PCCA: variants seen among roughly 807,000 people sequenced by gnomAD.
PCCA encodes propionyl-CoA carboxylase alpha chain, mitochondrial.
PCCA carries 74 observed loss-of-function variants against 101.3 expected under a neutral mutation model. That is an observed-to-expected ratio of 0.73 (90% confidence interval 0.61 to 0.89). The LOEUF (loss-of-function observed/expected upper bound fraction) is 0.89. PCCA is among the 40% of genes least tolerant of loss of function. PCCA has a pLI of 0.00. For missense variants in PCCA, 891 were observed against 907.0 expected, an observed-to-expected ratio of 0.98 and a Z score of 0.23; for synonymous variants, 294 against 313.6, an observed-to-expected ratio of 0.94 and a Z score of 0.66.
intron 21 of PCCA, chr13:100,491,803 G>T: frequency 3.6e-6 from 4 of 1,111,714 alleles, no homozygotes; most frequent in Non-Finnish European, 4.5e-6. Flanking sequence ...TCCAATAAAT[G>T]TAAATATTTT....
At chr13:100,246,037 C>T (rs996031552) in intron 8 of PCCA, among the ~76,000 whole-genome samples, 2 of 152,104 alleles carry the variant, frequency 1.3e-5, no homozygotes, top group Non-Finnish European at 2.9e-5. Context: ...GTTCCAAGTT[C>T]GGGCAAGAGG....
At chr13:100,109,108 C>T (rs896832788) in intron 2 of PCCA, among the ~76,000 whole-genome samples, 2 of 152,132 alleles carry the variant, frequency 1.3e-5, no homozygotes, top group Non-Finnish European at 2.9e-5. Context: ...GGCATGTAGC[C>T]CAAAGGGGTG....
chr13:100,431,891 A>T (rs1285144189), intron 20 of PCCA, among the ~76,000 whole-genome samples: 1 of 150,416 alleles, frequency 6.6e-6, no homozygotes, highest in Non-Finnish European at 1.5e-5. Flanking sequence ...AATAAATAAA[A>T]TAAAATACAG....
At chr13:100,231,351 G>A (rs2060460756) in intron 7 of PCCA, among the ~76,000 whole-genome samples, 1 of 152,318 alleles carries the variant, frequency 6.6e-6, no homozygotes, top group East Asian at 1.9e-4. Context: ...TGAGAAGGCT[G>A]TGCAAGGCTG....
chr13:100,508,273 G>A (rs2086230852), intron 21 of PCCA, among the ~76,000 whole-genome samples: 1 of 152,030 alleles, frequency 6.6e-6, no homozygotes. Context: ...TTGCTGAATG[G>A]GCTTCAGATA....
intron 18 of PCCA, among the ~76,000 whole-genome samples, chr13:100,349,962 A>G (rs901342928): frequency 6.6e-6 from 1 of 152,230 alleles, no homozygotes; most frequent in African/African-American, 2.4e-5. Flanking sequence ...ATTTCTGCCT[A>G]GCAGAGACAA....
At chr13:100,184,854 G>A (rs2057112243) in intron 6 of PCCA, among the ~76,000 whole-genome samples, 1 of 143,794 alleles carries the variant, frequency 7.0e-6, no homozygotes, top group Non-Finnish European at 1.6e-5. Flanking sequence ...GCTGGATTTG[G>A]CCTGTAGGCT....
chr13:100,224,197 G>A (rs1249466761), intron 7 of PCCA, among the ~76,000 whole-genome samples: 1 of 152,240 alleles, frequency 6.6e-6, no homozygotes, highest in Non-Finnish European at 1.5e-5. Context: ...CCTGCCCGGC[G>A]GGAAGGCAGC....
chr13:100,404,263 C>T (rs756276666), intron 19 of PCCA, among the ~76,000 whole-genome samples: 2 of 152,162 alleles, frequency 1.3e-5, no homozygotes, highest in Admixed American at 6.5e-5. Flanking sequence ...GCCAAAAGCC[C>T]GACTGGTCAG....
chr13:100,446,687 A>G (rs1308077004), intron 20 of PCCA, among the ~76,000 whole-genome samples: 2 of 152,130 alleles, frequency 1.3e-5, no homozygotes, highest in Admixed American at 1.3e-4. Context: ...ATTTTATTCC[A>G]TTTTGTTTTC....
At chr13:100,308,958 A>G (rs999668649) in intron 15 of PCCA, among the ~76,000 whole-genome samples, 1 of 152,236 alleles carries the variant, frequency 6.6e-6, no homozygotes, top group African/African-American at 2.4e-5. Flanking sequence ...GTAGAATAGT[A>G]AGACTTTTCT....
At chr13:100,501,886 A>AATAAATAAATAAATAC (rs2085706956) in intron 21 of PCCA, among the ~76,000 whole-genome samples, 1 of 151,840 alleles carries the variant, frequency 6.6e-6, no homozygotes, top group Admixed American at 6.6e-5. Context: ...TAAATAAATA[A>AATAAATAAATAAATAC]ATAAATAAAT....
chr13:100,261,192 G>A (rs541363667), intron 9 of PCCA, among the ~76,000 whole-genome samples: 1 of 152,040 alleles, frequency 6.6e-6, no homozygotes, highest in African/African-American at 2.4e-5. Context: ...TTAAAGGATC[G>A]GAAGAATTGG....
intron 4 of PCCA, among the ~76,000 whole-genome samples, chr13:100,148,632 T>C (rs2052894115): frequency 1.3e-5 from 2 of 151,880 alleles, no homozygotes; most frequent in African/African-American, 4.8e-5. Flanking sequence ...GTTTTCATTA[T>C]TTTGTTGTTT....
Position 100,227,314 on chromosome 13 carries a change from A to G in PCCA, c.601-8528A>G, listed in dbSNP as rs554531273. On this transcript the variant is annotated intron_variant, in intron 7 of 23. Coordinates refer to ENST00000376285, the MANE Select transcript of PCCA (RefSeq NM_000282.4). ...CTTAACTGCAAGGCTTGGTTACCCC[A>G]CAGGCCATGTTCTAGGTATTAACAA... Among the ~76,000 whole-genome samples the G allele has an allele frequency of 9.9e-4, 150 of 152,176 alleles. 1 individual carries two copies. The highest frequency in any genetic ancestry group is 2.0e-3 in the Non-Finnish European group (133 of 68,026).
At chr13:100,124,809 G>A (rs150957794) in intron 4 of PCCA, among the ~76,000 whole-genome samples, 170 of 152,186 alleles carry the variant, frequency 1.1e-3, no homozygotes, top group African/African-American at 3.7e-3. Flanking sequence ...ACATGTCTCT[G>A]TATATACATA....
intron 16 of PCCA, among the ~76,000 whole-genome samples, chr13:100,329,523 C>A (rs1416127450): frequency 6.6e-6 from 1 of 152,134 alleles, no homozygotes; most frequent in Non-Finnish European, 1.5e-5. Flanking sequence ...AACTCAGCGT[C>A]AACCATTCTA....
chr13:100,328,755 G>A (rs2152730290), intron 16 of PCCA, among the ~76,000 whole-genome samples: 1 of 142,066 alleles, frequency 7.0e-6, no homozygotes, highest in South Asian at 2.3e-4. Flanking sequence ...GTGCAGTGGT[G>A]TGATCTTGGC....
intron 21 of PCCA, among the ~76,000 whole-genome samples, chr13:100,492,007 T>C (rs1312066194): frequency 1.3e-5 from 2 of 152,184 alleles, no homozygotes; most frequent in Non-Finnish European, 2.9e-5. Context: ...TTTTTTGGAA[T>C]GTAGGGAAAG....
Sources: allele counts gnomAD v4.1 joint callset (sites outside exome capture counted in the v4.1 genomes callset), GRCh38; gene constraint gnomAD v4.1.1; transcripts MANE v1.5; gene names NCBI Gene and HGNC (gene_info 2026-07-23, HGNC 2026-07-21).